Variants in ACBD5 observed in about 807,000 individuals in gnomAD.
ACBD5 encodes the protein acyl-CoA binding domain containing 5, also known as acyl-CoA-binding domain-containing protein 5.
A neutral mutation model predicts 71.8 loss-of-function variants in ACBD5; 40 were observed. The ratio of observed to expected loss-of-function variants is 0.56; its 90% CI spans 0.43 to 0.72. ACBD5 has a LOEUF of 0.72. Ranked by LOEUF, ACBD5 falls within the 30% of genes least tolerant of loss-of-function variation. The pLI, the probability that ACBD5 is intolerant of heterozygous loss-of-function variation, is 0.00. For missense variants in ACBD5, 559 were observed against 644.5 expected, an observed-to-expected ratio of 0.87 and a Z score of 1.44; for synonymous variants, 229 against 218.6, an observed-to-expected ratio of 1.05 and a Z score of -0.42.
At chr10:27,228,286 A>G (rs1486928788) in intron 4 of ACBD5, among the ~76,000 whole-genome samples, 1 of 149,968 alleles carries the variant, frequency 6.7e-6, no homozygotes, top group Non-Finnish European at 1.5e-5. Flanking sequence ...AAAAAAAAAT[A>G]GAATTTTGGC....
chr10:27,238,091 G>A lies in ACBD5; in HGVS notation c.181+2228C>T, dbSNP rs564595379. 3.3e-5 allele frequency among the ~76,000 whole-genome samples: 5 copies of A among 152,034 alleles called. No individual in the cohort carries two copies. The South Asian group carries it at 8.3e-4, about 25-fold the overall frequency. On this transcript the variant is annotated intron_variant, in intron 2 of 12. Transcript: ENST00000396271. Reference sequence around the variant, plus strand: ...CTCCCGAGTAGGTGGGACTACAGGCGCCCACGACCACGCCTGGCTAATTTT... The same window carrying A: ...CTCCCGAGTAGGTGGGACTACAGGCACCCACGACCACGCCTGGCTAATTTT...
rs775727779 is a variant in ACBD5 at position 27,196,199 on chromosome 10, T to A, written c.*1231A>T. On this transcript the variant is annotated 3_prime_UTR_variant, in exon 13 of 13. Transcript: ENST00000396271. Reference sequence around the variant, plus strand: ...TGGGCAACAAGAGAGAAACTCCATTTAAAAAAAAAAATTATTTGTTACAAA... The same window carrying A: ...TGGGCAACAAGAGAGAAACTCCATTAAAAAAAAAAAATTATTTGTTACAAA... The A allele has an allele frequency of 6.2e-5, 26 of 422,078 alleles. No individual in the cohort carries two copies. The highest frequency in any genetic ancestry group is 1.8e-4 in the Admixed American group (7 of 39,246). The allele number at this position is 422,078 out of a possible 1,614,324, so 26.1% of individuals were successfully genotyped here. A position where few individuals can be genotyped will look rare whatever the true frequency, so the allele number is the denominator to read the frequency against.
At chr10:27,227,009 A>ATTTTTTTTTTTTTTTT (rs56406048) in intron 4 of ACBD5, among the ~76,000 whole-genome samples, 2 of 78,392 alleles carry the variant, frequency 2.6e-5, no homozygotes, top group Non-Finnish European at 4.5e-5. Flanking sequence ...TTTTTTTGCG[A>ATTTTTTTTTTTTTTTT]TTTTTTTTTT....
Position 27,240,579 on chromosome 10 carries a change from G to A in ACBD5, c.15+95C>T. ...GTTCCCCTTTGCCCTGCCCTATCCA[G>A]GCCACACAGATCGAAGCGGCCCGGC... On this transcript the variant is annotated intron_variant, in intron 1 of 12. Transcript: ENST00000396271. The surrounding 1 kb of genome is among the most constrained non-coding windows in gnomAD (Gnocchi z 4.1). The A allele has an allele frequency of 1.3e-6, 2 of 1,551,394 alleles. No individual in the cohort carries two copies. Among genetic ancestry groups the A allele is most frequent in the Non-Finnish European group, 1.7e-6 (2 of 1,147,022 alleles).
At chr10:27,206,250 A>T (rs753300601) in intron 10 of ACBD5, among the ~76,000 whole-genome samples, 5 of 152,042 alleles carry the variant, frequency 3.3e-5, no homozygotes, top group Non-Finnish European at 5.9e-5. Flanking sequence ...AAAATACATC[A>T]AAAGAATTTT....
At chr10:27,229,252 T>G (rs2063544934) in intron 4 of ACBD5, among the ~76,000 whole-genome samples, 1 of 152,136 alleles carries the variant, frequency 6.6e-6, no homozygotes, top group East Asian at 1.9e-4. Context: ...CTGAAACCTC[T>G]GACTGCAAAG....
At chr10:27,240,881 C>T, upstream of ACBD5, 1 of 802,534 alleles carries the variant, frequency 1.2e-6, no homozygotes. The surrounding 1 kb of genome is among the most constrained non-coding windows in gnomAD (Gnocchi z 4.1). Context: ...AGCAGTGCAG[C>T]AAACCCCACC....
At chr10:27,192,090 C>T (rs1220531532), downstream of ACBD5, among the ~76,000 whole-genome samples, 1 of 151,608 alleles carries the variant, frequency 6.6e-6, no homozygotes, top group African/African-American at 2.4e-5. Context: ...TTTAGCCAGA[C>T]TAAGAAAAAG....
At chr10:27,226,064 C>T (rs1370603826) in intron 4 of ACBD5, among the ~76,000 whole-genome samples, 1 of 152,104 alleles carries the variant, frequency 6.6e-6, no homozygotes, top group African/African-American at 2.4e-5. Flanking sequence ...TATTCATTCT[C>T]TCAACAAACC....
intron 13 of ACBD5, among the ~76,000 whole-genome samples, chr10:27,187,440 C>A (rs934086244): frequency 2.0e-5 from 3 of 152,116 alleles, no homozygotes; most frequent in African/African-American, 7.2e-5. Flanking sequence ...GCGTAGTCCA[C>A]AATATGTATT....
At position 27,196,763 on chromosome 10, in the gene ACBD5, A is replaced by G; in HGVS notation, c.*667T>C. On this transcript the variant is annotated 3_prime_UTR_variant, in exon 13 of 13. Transcript: ENST00000396271. ...ATGAAGCTCATTCTTCACCATTTCCATCAGTGGGTTATGTCTAGCCTGCAA... is the reference window on the plus strand; with the variant it reads ...ATGAAGCTCATTCTTCACCATTTCCGTCAGTGGGTTATGTCTAGCCTGCAA... The G allele has an allele frequency of 2.2e-6, 1 of 454,270 alleles. No homozygotes were observed. Among genetic ancestry groups the G allele is most frequent in the South Asian group, 1.6e-5 (1 of 64,478 alleles). 28.1% of individuals were successfully genotyped at this position (454,270 alleles called of 1,614,324 possible).
chr10:27,199,892 T>A (rs2059737438), intron 12 of ACBD5, among the ~76,000 whole-genome samples: 1 of 151,698 alleles, frequency 6.6e-6, no homozygotes, highest in Non-Finnish European at 1.5e-5. Context: ...CTGGGGAGAC[T>A]GAGAGACAAT....
intron 10 of ACBD5, among the ~76,000 whole-genome samples, chr10:27,205,897 C>CT (rs750386943): frequency 1.1e-4 from 17 of 151,968 alleles, no homozygotes; most frequent in Admixed American, 2.6e-4. Flanking sequence ...TCCTTAAAAT[C>CT]TTTTGAACTT....
chr10:27,205,660 C>G (rs1437186835), intron 10 of ACBD5, among the ~76,000 whole-genome samples: 1 of 151,470 alleles, frequency 6.6e-6, no homozygotes, highest in Non-Finnish European at 1.5e-5. Context: ...TCACAATTAG[C>G]TGGGAGGCAA....
chr10:27,211,917 G>T lies in ACBD5; in HGVS notation c.937-836C>A, dbSNP rs535118393. ...GGGACATCTGAGTTAGGGTATAAAGGGTATATAAGAGTCCTCAGTGAAGAG... is the reference window on the plus strand; with the variant it reads ...GGGACATCTGAGTTAGGGTATAAAGTGTATATAAGAGTCCTCAGTGAAGAG... On this transcript the variant is annotated intron_variant, in intron 8 of 12. Coordinates refer to ENST00000396271, the MANE Select transcript of ACBD5 (RefSeq NM_145698.5). 3.9e-5 allele frequency among the ~76,000 whole-genome samples: 6 copies of T among 152,090 alleles called. No homozygotes were observed. In the South Asian group the frequency reaches 1.2e-3, roughly 32 times the overall value.
chr10:27,213,769 A>T (rs1162628351), intron 8 of ACBD5, among the ~76,000 whole-genome samples: 1 of 152,088 alleles, frequency 6.6e-6, no homozygotes, highest in East Asian at 1.9e-4. Context: ...GAAAAAAAAA[A>T]AAGTACCAAA....
intron 4 of ACBD5, among the ~76,000 whole-genome samples, chr10:27,230,795 T>C (rs1220973824): frequency 8.1e-5 from 1 of 12,366 alleles, no homozygotes; most frequent in Non-Finnish European, 1.5e-4. Context: ...AGACTCCATC[T>C]CAAAAAAAAA....
rs1250340583 is a variant in ACBD5, at chr10:27,195,280, A to G, written c.*2150T>C. On this transcript the variant is annotated 3_prime_UTR_variant, in exon 13 of 13. Coordinates refer to ENST00000396271, the MANE Select transcript of ACBD5 (RefSeq NM_145698.5). ...TAAACAGAAAAGAAGTTATCATTAAAAAAATACCATAGCTGTCAAGTTTAA... is the reference window on the plus strand; with the variant it reads ...TAAACAGAAAAGAAGTTATCATTAAGAAAATACCATAGCTGTCAAGTTTAA... The G allele has an allele frequency of 2.3e-6, 1 of 431,816 alleles. No homozygotes were observed. The highest frequency in any genetic ancestry group is 4.5e-6 in the Non-Finnish European group (1 of 220,886). 26.7% of individuals were successfully genotyped at this position (431,816 alleles called of 1,614,324 possible).
intron 5 of ACBD5, among the ~76,000 whole-genome samples, chr10:27,220,063 A>G (rs1418172428): frequency 2.6e-5 from 4 of 152,310 alleles, no homozygotes; most frequent in East Asian, 1.9e-4. Context: ...TGATCAAGCT[A>G]TCTTAAATCC....
Sources: gnomAD v4.1 joint callset for allele counts (sites outside exome capture counted in the v4.1 genomes callset) on GRCh38, gnomAD v4.1.1 for gene constraint, Gnocchi (gnomAD v3.1) non-coding constraint, MANE v1.5 for transcripts, NCBI Gene and HGNC (gene_info 2026-07-23, HGNC 2026-07-21) for gene names.